IQGAP2: variants seen among roughly 807,000 people sequenced by gnomAD.
IQGAP2 encodes the protein IQ motif containing GTPase activating protein 2.
Under a neutral mutation model 201.3 loss-of-function variants are expected in IQGAP2, and 173 were observed. The ratio of observed to expected loss-of-function variants is 0.86; its 90% CI spans 0.76 to 0.98. The LOEUF is 0.98. Among genes scored for constraint, IQGAP2 ranks in the 50% least tolerant of loss-of-function variants. The pLI is 0.00. For missense variants in IQGAP2, 1,687 were observed against 1,864.8 expected (o/e 0.90, Z 1.76); for synonymous variants, 675 against 673.9 (o/e 1.00, Z -0.03).
intron 1 of IQGAP2, among the ~76,000 whole-genome samples, chr5:76,451,289 T>G (rs6889713): frequency 0.04 from 6,062 of 152,234 alleles, 423 homozygotes; most frequent in African/African-American, 0.14. Flanking sequence ...TTGTTCCTTC[T>G]ATTGCCAGTC....
intron 12 of IQGAP2, chr5:76,606,795 C>T (rs1179713112): frequency 6.6e-6 from 1 of 152,228 alleles, no homozygotes; most frequent in African/African-American, 2.4e-5. Flanking sequence ...GCATACCAAC[C>T]TCAGGAAGAT....
chr5:76,627,299 T>C, intron 13 of IQGAP2, 111 bp from the exon 14 acceptor site: 1 of 789,136 alleles, frequency 1.3e-6, no homozygotes, highest in Non-Finnish European at 2.2e-6. Flanking sequence ...GGATAGTTGC[T>C]GATTAAGAAT....
chr5:76,572,121 C>G (rs1199747736), intron 4 of IQGAP2, among the ~76,000 whole-genome samples: 1 of 152,072 alleles, frequency 6.6e-6, no homozygotes, highest in Admixed American at 6.5e-5. Context: ...AGCGGGTATC[C>G]TTTGAGTCAC....
At chr5:76,666,728 T>C (rs2150470537) in intron 22 of IQGAP2, among the ~76,000 whole-genome samples, 1 of 152,290 alleles carries the variant, frequency 6.6e-6, no homozygotes, top group African/African-American at 2.4e-5. Context: ...CTTCGACCCG[T>C]TGGTTACACT....
chr5:76,428,842 C>T (rs1208772718), intron 1 of IQGAP2, among the ~76,000 whole-genome samples: 1 of 151,610 alleles, frequency 6.6e-6, no homozygotes, highest in Non-Finnish European at 1.5e-5. Flanking sequence ...TCTGTAATCC[C>T]AGCACTGTGG....
intron 8 of IQGAP2, among the ~76,000 whole-genome samples, chr5:76,592,209 T>C (rs1746710363): frequency 6.6e-6 from 1 of 152,188 alleles, no homozygotes; most frequent in Non-Finnish European, 1.5e-5. Flanking sequence ...CTCTATTACC[T>C]ACTGAATTAA....
intron 14 of IQGAP2, among the ~76,000 whole-genome samples, chr5:76,629,017 T>C (rs1377282310): frequency 6.6e-6 from 1 of 152,200 alleles, no homozygotes; most frequent in African/African-American, 2.4e-5. Flanking sequence ...GTTCTTATAT[T>C]CATTGTTCTT....
rs181620442 is a variant in IQGAP2, at chr5:76,680,529, C to T, written c.3661-2586C>T. 6.0e-3 allele frequency among the ~76,000 whole-genome samples: 918 copies of T among 152,054 alleles called. 4 individuals carry two copies. Among genetic ancestry groups the T allele is most frequent in the Middle Eastern group, 0.01 (3 of 294 alleles). On this transcript the variant is annotated intron_variant, in intron 28 of 35. Coordinates refer to ENST00000274364, the MANE Select transcript of IQGAP2 (RefSeq NM_006633.5). ...ACTTTTGAGCTATAAAGAGTAATATCAAGAAATTGAGGCTAGACGTGGTGG... is the reference window on the plus strand; with the variant it reads ...ACTTTTGAGCTATAAAGAGTAATATTAAGAAATTGAGGCTAGACGTGGTGG...
chr5:76,631,141 G>A (rs1750672499), intron 14 of IQGAP2, among the ~76,000 whole-genome samples: 1 of 152,102 alleles, frequency 6.6e-6, no homozygotes, highest in Admixed American at 6.6e-5. Context: ...TTCTAACTCA[G>A]TGCATTTACT....
At chr5:76,611,487 A>G (rs1382141753) in intron 13 of IQGAP2, among the ~76,000 whole-genome samples, 2 of 152,216 alleles carry the variant, frequency 1.3e-5, no homozygotes, top group Non-Finnish European at 2.9e-5. Flanking sequence ...ACTTCAGTCC[A>G]TAGCTTCTGG....
chr5:76,475,873 T>C (rs1755387932), intron 2 of IQGAP2, among the ~76,000 whole-genome samples: 1 of 152,128 alleles, frequency 6.6e-6, no homozygotes, highest in African/African-American at 2.4e-5. Context: ...AGGATTTCCT[T>C]TGGCCTCTGC....
At chr5:76,572,442 G>C (rs1279278441) in intron 4 of IQGAP2, among the ~76,000 whole-genome samples, 2 of 151,900 alleles carry the variant, frequency 1.3e-5, no homozygotes, top group African/African-American at 2.4e-5. Context: ...GGGATTACAG[G>C]CGTGAGCCAC....
At chr5:76,444,319 A>G (rs1040340287) in intron 1 of IQGAP2, among the ~76,000 whole-genome samples, 3 of 152,172 alleles carry the variant, frequency 2.0e-5, no homozygotes, top group Admixed American at 2.0e-4. Context: ...GTTTTTTGAG[A>G]TGGAGTTTCA....
chr5:76,704,383 A>T (rs1429145504), intron 35 of IQGAP2, among the ~76,000 whole-genome samples: 1 of 151,760 alleles, frequency 6.6e-6, no homozygotes, highest in African/African-American at 2.4e-5. Flanking sequence ...GAGAGAAAGC[A>T]ATAATTCCAT....
chr5:76,652,746 T>G lies in IQGAP2; in HGVS notation c.2095-4T>G. 6.2e-7 allele frequency: 1 copy of G among 1,603,200 alleles called. No homozygotes were observed. Among genetic ancestry groups the G allele is most frequent in the Non-Finnish European group, 8.5e-7 (1 of 1,170,036 alleles). ...ATAATTCTATAACCCACTCTTTTCCTTAGGCTTTTTGGAAAGGATATAAAC... is the reference window on the plus strand; with the variant it reads ...ATAATTCTATAACCCACTCTTTTCCGTAGGCTTTTTGGAAAGGATATAAAC... On this transcript the variant is annotated splice_region_variant and splice_polypyrimidine_tract_variant and intron_variant, in intron 17 of 35. Coordinates refer to ENST00000274364, the MANE Select transcript of IQGAP2 (RefSeq NM_006633.5).
chr5:76,640,432 C>T (rs1751478713), intron 16 of IQGAP2, among the ~76,000 whole-genome samples: 1 of 152,184 alleles, frequency 6.6e-6, no homozygotes, highest in Non-Finnish European at 1.5e-5. Flanking sequence ...GCCTCTCCCA[C>T]CCCTTTGTCT....
chr5:76,702,520 A>AT lies in IQGAP2; in HGVS notation c.4545dup (p.Val1516CysfsTer14). On this transcript the variant is annotated frameshift_variant, in exon 35 of 36. Transcript: ENST00000274364. LOFTEE classifies it high-confidence loss of function. ...ACATTTGATATCATAGCTACTGAAG[A>AT]TGTAGGCATTTTCGATGTAAGATCA... The AT allele has an allele frequency of 6.3e-7, 1 of 1,593,542 alleles. No individual in the cohort carries two copies. Among genetic ancestry groups the AT allele is most frequent in the Non-Finnish European group, 8.6e-7 (1 of 1,161,230 alleles).
chr5:76,621,225 C>A (rs895291520), intron 13 of IQGAP2, among the ~76,000 whole-genome samples: 1 of 152,144 alleles, frequency 6.6e-6, no homozygotes, highest in Admixed American at 6.5e-5. Flanking sequence ...GAAATGGAAA[C>A]CCTCCACGTA....
intron 2 of IQGAP2, among the ~76,000 whole-genome samples, chr5:76,546,057 C>A (rs546122852): frequency 2.0e-5 from 3 of 152,306 alleles, no homozygotes; most frequent in South Asian, 4.1e-4. Context: ...GAGAAAAATT[C>A]TCCTATAGCA....
Sources: gnomAD v4.1 joint callset for allele counts (sites outside exome capture counted in the v4.1 genomes callset) on GRCh38, gnomAD v4.1.1 for gene constraint, MANE v1.5 for transcripts, NCBI Gene and HGNC (gene_info 2026-07-23, HGNC 2026-07-21) for gene names.